Variants in TTC39B observed in about 807,000 individuals in gnomAD.
TTC39B encodes the protein tetratricopeptide repeat protein 39B.
TTC39B carries 92 observed loss-of-function variants against 96.6 expected under a neutral mutation model. The observed-to-expected ratio is 0.95, with a 90% confidence interval of 0.80 to 1.13. The LOEUF (loss-of-function observed/expected upper bound fraction) is 1.13, where lower values mean the gene tolerates loss of function less well. TTC39B is among the 50% of genes most tolerant of loss of function. The pLI is 0.00. For synonymous variants in TTC39B, 367 were observed against 299.4 expected (o/e 1.23, Z -2.33); for missense variants, 955 against 809.3 (o/e 1.18, Z -2.18).
chr9:15,217,824 T>C (rs796543023), intron 3 of TTC39B, among the ~76,000 whole-genome samples: 2 of 152,138 alleles, frequency 1.3e-5, no homozygotes, highest in South Asian at 4.1e-4. Flanking sequence ...ATTAAGAACC[T>C]AAAGTAGCTA....
intron 1 of TTC39B, among the ~76,000 whole-genome samples, chr9:15,269,321 C>G (rs1009001499): frequency 1.2e-4 from 18 of 152,184 alleles, no homozygotes; most frequent in Non-Finnish European, 2.2e-4. Context: ...AGAAAAAACA[C>G]CAGGGCTTCG....
chr9:15,212,221 A>C (rs1820241741), intron 4 of TTC39B, among the ~76,000 whole-genome samples: 1 of 152,178 alleles, frequency 6.6e-6, no homozygotes, highest in African/African-American at 2.4e-5. Flanking sequence ...CTTTGCCTCC[A>C]TGGAAATAGT....
intron 2 of TTC39B, among the ~76,000 whole-genome samples, chr9:15,257,797 C>T (rs930149461): frequency 1.4e-4 from 21 of 151,688 alleles, no homozygotes; most frequent in South Asian, 4.2e-4. Flanking sequence ...CGGTGGCTCA[C>T]GCCTGTAATC....
intron 1 of TTC39B, among the ~76,000 whole-genome samples, chr9:15,273,137 T>C (rs1823417043): frequency 6.6e-6 from 1 of 152,258 alleles, no homozygotes; most frequent in Non-Finnish European, 1.5e-5. Flanking sequence ...TTGATGTTCA[T>C]TTAAGAATCT....
intron 1 of TTC39B, among the ~76,000 whole-genome samples, chr9:15,296,822 G>T (rs1048538413): frequency 6.6e-6 from 1 of 152,038 alleles, no homozygotes. Context: ...TAAAAGGCAG[G>T]GCCAGGCATG....
Position 15,214,258 on chromosome 9 carries a change from C to A in TTC39B, c.372-9G>T. 1 of 1,603,194 alleles carries A rather than the reference C, an allele frequency of 6.2e-7. No homozygotes were observed. On this transcript the variant is annotated splice_polypyrimidine_tract_variant and intron_variant, in intron 3 of 19. Coordinates refer to ENST00000512701, the Ensembl canonical transcript of TTC39B. ...CCTTGGTTGATGATGAACTAAAGAT[C>A]AAGAAAAAAGCACAGAGAATTTCTA...
chr9:15,252,371 G>A (rs753631884), intron 2 of TTC39B, among the ~76,000 whole-genome samples: 94 of 152,230 alleles, frequency 6.2e-4, no homozygotes, highest in Non-Finnish European at 1.0e-3. Flanking sequence ...AAGGTGGGCC[G>A]GGCGCAGTGG....
chr9:15,300,158 C>T (rs190688638), intron 1 of TTC39B, among the ~76,000 whole-genome samples: 45 of 152,274 alleles, frequency 3.0e-4, no homozygotes, highest in African/African-American at 1.1e-3. Context: ...ATGGCCCATG[C>T]TCCGCAATCA....
intron 1 of TTC39B, among the ~76,000 whole-genome samples, chr9:15,296,964 G>A (rs972580030): frequency 6.6e-6 from 1 of 152,140 alleles, no homozygotes; most frequent in Non-Finnish European, 1.5e-5. Context: ...TCTAGCCTGT[G>A]TGACAGAGCA....
intron 1 of TTC39B, among the ~76,000 whole-genome samples, chr9:15,281,022 T>C (rs1053474834): frequency 1.3e-5 from 2 of 150,812 alleles, no homozygotes; most frequent in Non-Finnish European, 1.5e-5. Flanking sequence ...TTTCTTTCTT[T>C]TTTGTCTTTT....
Position 15,183,511 on chromosome 9 carries a change from C to T in TTC39B, c.1615-1096G>A, listed in dbSNP as rs1345271085. 1.2e-5 allele frequency: 4 copies of T among 336,164 alleles called. No individual in the cohort carries two copies. The East Asian group carries it at 3.6e-4, about 30-fold the overall frequency. 20.8% of individuals were successfully genotyped at this position (336,164 alleles called of 1,614,324 possible). A position where few individuals can be genotyped will look rare whatever the true frequency, so the allele number is the denominator to read the frequency against. ...AGTACTAACATTTCAAGCCAATTTC[C>T]TGTACATTCTACTTCCATAGACCTG... On this transcript the variant is annotated intron_variant, in intron 16 of 19. Coordinates refer to ENST00000512701, the Ensembl canonical transcript of TTC39B.
intron 15 of TTC39B, 39 bp downstream of exon 15, chr9:15,186,905 C>A (rs778912016): frequency 1.0e-5 from 16 of 1,584,292 alleles, no homozygotes; most frequent in Non-Finnish European, 1.4e-5. Context: ...CCCCTTTATA[C>A]CCTCAGAGCC....
chr9:15,228,685 C>T (rs7033069), intron 2 of TTC39B, among the ~76,000 whole-genome samples: 26,468 of 152,130 alleles, frequency 0.17, 2,425 homozygotes, highest in Middle Eastern at 0.22. Context: ...CCCCCTCCCA[C>T]TCCTTAAGTA....
intron 3 of TTC39B, among the ~76,000 whole-genome samples, chr9:15,215,631 G>T (rs919608062): frequency 6.6e-6 from 1 of 151,706 alleles, no homozygotes; most frequent in Non-Finnish European, 1.5e-5. Context: ...GCCGAGGCAG[G>T]TGGATCATTT....
In TTC39B at chr9:15,306,531, C is replaced by T. The variant is rs1019325939; in HGVS notation, c.240+553G>A. On this transcript the variant is annotated intron_variant, in intron 1 of 19. Transcript: ENST00000512701. The surrounding 1 kb of genome is among the most constrained non-coding windows in gnomAD (Gnocchi z 5.1). ...GCGGCTCTAGCCCTCCAGCCCCAGC[C>T]CCTGGCAGCCCTGCCCTGCTGTCGC... Among the ~76,000 whole-genome samples the T allele has an allele frequency of 2.6e-5, 4 of 152,204 alleles. No individual in the cohort carries two copies. The highest frequency in any genetic ancestry group is 2.0e-4 in the Admixed American group (3 of 15,288).
intron 9 of TTC39B, 28 bp downstream of exon 9, chr9:15,192,562 T>C (rs759029107): frequency 6.4e-7 from 1 of 1,569,016 alleles, no homozygotes; most frequent in Non-Finnish European, 8.8e-7. Flanking sequence ...CTACAAAAGT[T>C]CTGGTTTCTA....
chr9:15,189,212 G>A (rs117226086), intron 13 of TTC39B, among the ~76,000 whole-genome samples: 9,393 of 152,224 alleles, frequency 0.062, 421 homozygotes, highest in Non-Finnish European at 0.086. Context: ...GAGCCCACAC[G>A]TAGTAGACCT....
chr9:15,250,191 T>C (rs1822470018), intron 2 of TTC39B: 23 of 1,182,946 alleles, frequency 1.9e-5, no homozygotes, highest in Non-Finnish European at 2.3e-5. Flanking sequence ...AAGTGGCAGC[T>C]ACACTCACTG....
intron 2 of TTC39B, among the ~76,000 whole-genome samples, chr9:15,228,389 G>C (rs182565354): frequency 6.6e-6 from 1 of 152,110 alleles, no homozygotes; most frequent in South Asian, 2.1e-4. Flanking sequence ...GCTTGAACCC[G>C]GGAGGCGGAG....
Sources: gnomAD v4.1 joint callset for allele counts (sites outside exome capture counted in the v4.1 genomes callset) on GRCh38, gnomAD v4.1.1 for gene constraint, Gnocchi (gnomAD v3.1) non-coding constraint, MANE v1.5 for transcripts, NCBI Gene and HGNC (gene_info 2026-07-23, HGNC 2026-07-21) for gene names.